The following ATRNL1 variants were observed in gnomAD, a reference collection of about 807,000 sequenced individuals.
ATRNL1 encodes attractin like 1.
Under a neutral mutation model 182.7 loss-of-function variants are expected in ATRNL1, and 95 were observed. That is an observed-to-expected ratio of 0.52 (90% CI 0.44 to 0.62). ATRNL1 has a LOEUF of 0.62. ATRNL1 is among the 20% of genes least tolerant of loss of function. The pLI is 0.00. For missense variants in ATRNL1, 1,471 were observed against 1,679.5 expected (o/e 0.88, Z 2.17); for synonymous variants, 576 against 568.3 (o/e 1.01, Z -0.19).
intron 24 of ATRNL1, among the ~76,000 whole-genome samples, chr10:115,504,695 CTTAT>C (rs1850018172): frequency 6.6e-6 from 1 of 151,918 alleles, no homozygotes; most frequent in Non-Finnish European, 1.5e-5. Context: ...TTAAAGCTGG[CTTAT>C]TTATTAAAGA....
At chr10:115,245,558 A>G (rs1198550057) in intron 10 of ATRNL1, among the ~76,000 whole-genome samples, 1 of 150,182 alleles carries the variant, frequency 6.7e-6, no homozygotes, top group Non-Finnish European at 1.5e-5. Context: ...GGGATACCTG[A>G]TTTTGTCCAA....
At chr10:115,231,716 C>T (rs1230771466) in intron 9 of ATRNL1, among the ~76,000 whole-genome samples, 1 of 151,898 alleles carries the variant, frequency 6.6e-6, no homozygotes, top group Non-Finnish European at 1.5e-5. Flanking sequence ...GCACTTTATT[C>T]ATAAGAACAG....
chr10:115,364,139 TC>T (rs1856898462), intron 19 of ATRNL1, among the ~76,000 whole-genome samples: 1 of 144,916 alleles, frequency 6.9e-6, no homozygotes, highest in Non-Finnish European at 1.5e-5. Context: ...TATTGATTCT[TC>T]CTACCCGTGA....
intron 20 of ATRNL1, among the ~76,000 whole-genome samples, chr10:115,408,734 G>A (rs573829112): frequency 3.9e-5 from 6 of 151,906 alleles, no homozygotes; most frequent in South Asian, 2.1e-4. Context: ...CCATTTTTCC[G>A]TTGTTTTTTG....
intron 24 of ATRNL1, among the ~76,000 whole-genome samples, chr10:115,475,545 C>G (rs185909606): frequency 6.6e-6 from 1 of 151,452 alleles, no homozygotes; most frequent in Admixed American, 6.6e-5. Flanking sequence ...ATTTCTGTTG[C>G]ATTTGTCTTT....
chr10:115,503,028 C>T (rs569332413), intron 24 of ATRNL1, among the ~76,000 whole-genome samples: 67 of 152,132 alleles, frequency 4.4e-4, no homozygotes, highest in Non-Finnish European at 5.9e-4. Context: ...CATCTTTTAC[C>T]GGGCCTGAAG....
intron 26 of ATRNL1, among the ~76,000 whole-genome samples, chr10:115,626,702 A>G (rs1858121660): frequency 6.6e-6 from 1 of 152,228 alleles, no homozygotes; most frequent in Admixed American, 6.5e-5. Context: ...TAGATTTGAA[A>G]GAAAAATAGG....
intron 26 of ATRNL1, among the ~76,000 whole-genome samples, chr10:115,610,241 A>C (rs1857085644): frequency 6.6e-6 from 1 of 152,184 alleles, no homozygotes; most frequent in Non-Finnish European, 1.5e-5. Context: ...TGTGCTCTTA[A>C]CTGCTACACT....
chr10:115,941,144 T>G (rs1371871955), intron 28 of ATRNL1, among the ~76,000 whole-genome samples: 2 of 152,212 alleles, frequency 1.3e-5, no homozygotes, highest in African/African-American at 4.8e-5. Context: ...AGTGCAAGCC[T>G]TTCTACATAC....
intron 21 of ATRNL1, among the ~76,000 whole-genome samples, chr10:115,433,248 T>C (rs986990983): frequency 1.3e-5 from 2 of 152,138 alleles, no homozygotes; most frequent in Non-Finnish European, 2.9e-5. Context: ...GTTTAATTAC[T>C]TAAAATAGTA....
chr10:115,743,569 A>T (rs1380999012), intron 27 of ATRNL1, among the ~76,000 whole-genome samples: 1 of 152,184 alleles, frequency 6.6e-6, no homozygotes, highest in Non-Finnish European at 1.5e-5. Flanking sequence ...ATGTAGGAGC[A>T]CAGTCCCTAT....
chr10:115,303,332 C>A (rs1554925221), intron 17 of ATRNL1, among the ~76,000 whole-genome samples: 1 of 147,566 alleles, frequency 6.8e-6, no homozygotes, highest in South Asian at 2.2e-4. Flanking sequence ...TCAAGTGATT[C>A]TCTTGCCTTA....
chr10:115,940,179 G>A (rs373611020), intron 28 of ATRNL1, among the ~76,000 whole-genome samples: 4 of 152,278 alleles, frequency 2.6e-5, no homozygotes, highest in South Asian at 2.1e-4. Flanking sequence ...ATGAGAGGCC[G>A]TTAGCTTGTG....
At chr10:115,105,516 A>G (rs537648018) in intron 1 of ATRNL1, among the ~76,000 whole-genome samples, 1 of 152,338 alleles carries the variant, frequency 6.6e-6, no homozygotes, top group East Asian at 1.9e-4. Flanking sequence ...AATGGGGAAA[A>G]TGTCCCCAGG....
chr10:115,939,691 C>T (rs1237720974), intron 28 of ATRNL1, among the ~76,000 whole-genome samples: 1 of 152,124 alleles, frequency 6.6e-6, no homozygotes, highest in Non-Finnish European at 1.5e-5. Context: ...TGAATTTCAT[C>T]AGATGATTTG....
At chr10:115,186,179 C>A (rs1847932074) in intron 8 of ATRNL1, among the ~76,000 whole-genome samples, 1 of 151,960 alleles carries the variant, frequency 6.6e-6, no homozygotes, top group African/African-American at 2.4e-5. Flanking sequence ...TCTAAGTAGA[C>A]ATTTCTCAAA....
intron 1 of ATRNL1, among the ~76,000 whole-genome samples, chr10:115,114,499 G>C (rs1554869208): frequency 6.6e-6 from 1 of 152,006 alleles, no homozygotes; most frequent in Admixed American, 6.6e-5. Context: ...TCAGATAAGG[G>C]ACTCATACCC....
intron 27 of ATRNL1, among the ~76,000 whole-genome samples, chr10:115,809,139 C>G (rs1361957613): frequency 2.6e-5 from 4 of 151,996 alleles, no homozygotes; most frequent in African/African-American, 9.7e-5. Context: ...AATCAATCAA[C>G]TATATATGTA....
chr10:115,613,913 T>G (rs2133784896), intron 26 of ATRNL1, among the ~76,000 whole-genome samples: 1 of 152,200 alleles, frequency 6.6e-6, no homozygotes, highest in South Asian at 2.1e-4. Flanking sequence ...CCACTGTTTT[T>G]TTCTTACTCT....
Sources: allele counts gnomAD v4.1 joint callset (sites outside exome capture counted in the v4.1 genomes callset), GRCh38; gene constraint gnomAD v4.1.1; transcripts MANE v1.5; gene names NCBI Gene and HGNC (gene_info 2026-07-23, HGNC 2026-07-21).